The following ZNF713 variants were observed in gnomAD, a reference collection of about 807,000 sequenced individuals.
ZNF713 encodes the protein zinc finger protein 713.
In ZNF713, 21 loss-of-function variants were observed where a neutral mutation model predicts 28.7. The observed-to-expected ratio is 0.73, with a 90% CI of 0.52 to 1.05. ZNF713 has a LOEUF of 1.05. Ranked by LOEUF, ZNF713 falls within the 50% of genes least tolerant of loss-of-function variation. The probability of loss-of-function intolerance (pLI) is 0.00; values close to 1 mark genes in which losing one functional copy is unlikely to be tolerated. For missense variants in ZNF713, 458 were observed against 532.4 expected (o/e 0.86, Z 1.37); for synonymous variants, 167 against 178.0 (o/e 0.94, Z 0.49).
intron 4 of ZNF713, among the ~76,000 whole-genome samples, chr7:55,917,713 A>AAG (rs1472447684): frequency 6.6e-6 from 1 of 151,938 alleles, no homozygotes; most frequent in East Asian, 1.9e-4. Flanking sequence ...TCAAAAAAAA[A>AAG]AAAAGAAAAA....
At chr7:55,915,668 C>T (rs754956952) in intron 4 of ZNF713, among the ~76,000 whole-genome samples, 1 of 152,062 alleles carries the variant, frequency 6.6e-6, no homozygotes, top group South Asian at 2.1e-4. Flanking sequence ...GCAAAAATCA[C>T]GGGTATATTT....
intron 1 of ZNF713, among the ~76,000 whole-genome samples, chr7:55,896,490 GA>G (rs1357661344): frequency 6.6e-6 from 1 of 151,884 alleles, no homozygotes; most frequent in African/African-American, 2.4e-5. Flanking sequence ...GTTGAAGAAG[GA>G]AGTTACCGGT....
At chr7:55,898,103 C>A (rs954600946) in intron 1 of ZNF713, among the ~76,000 whole-genome samples, 1 of 152,052 alleles carries the variant, frequency 6.6e-6, no homozygotes, top group African/African-American at 2.4e-5. Context: ...ACAATCAACT[C>A]AAAATGGATT....
chr7:55,938,992 C>A lies in ZNF713; in HGVS notation c.318C>A (p.Asn106Lys), dbSNP rs1433412580. 1 of 1,577,774 alleles carries A rather than the reference C, an allele frequency of 6.3e-7. No individual in the cohort carries two copies. The highest frequency in any genetic ancestry group is 8.6e-7 in the Non-Finnish European group (1 of 1,162,834). Residue 106 changes from asparagine to lysine, a missense_variant, in exon 7 of 7, where the codon AAC becomes AAA. Transcript: ENST00000429591. ...SLLDTHPDGENRPEIKKSTTS... is the reference protein window; with the variant it reads ...SLLDTHPDGEKRPEIKKSTTS... ...CTGAATTTCTTTTAGATGGAGAAAACAGACCCGAAATCAAAAAGTCAACCA... is the reference window on the plus strand; with the variant it reads ...CTGAATTTCTTTTAGATGGAGAAAAAAGACCCGAAATCAAAAAGTCAACCA...
chr7:55,936,968 C>T (rs918884905), intron 6 of ZNF713, among the ~76,000 whole-genome samples: 1 of 152,176 alleles, frequency 6.6e-6, no homozygotes, highest in South Asian at 2.1e-4. Context: ...CCTCCCTCCA[C>T]ACAGTCCCTA....
chr7:55,938,597 C>T (rs776081829), intron 6 of ZNF713, among the ~76,000 whole-genome samples: 2 of 151,402 alleles, frequency 1.3e-5, no homozygotes, highest in Non-Finnish European at 2.9e-5. Context: ...AAGTCATTGG[C>T]GTATGAGATT....
intron 4 of ZNF713, among the ~76,000 whole-genome samples, chr7:55,916,156 C>G (rs1470201441): frequency 1.3e-5 from 2 of 152,218 alleles, no homozygotes; most frequent in African/African-American, 4.8e-5. Flanking sequence ...TTCCTCTGCT[C>G]AAAGCGCATG....
intron 1 of ZNF713, among the ~76,000 whole-genome samples, chr7:55,901,726 C>G (rs1030196734): frequency 6.6e-6 from 1 of 152,210 alleles, no homozygotes; most frequent in Non-Finnish European, 1.5e-5. Context: ...TTACCTCTTA[C>G]ATTTGGCTGT....
chr7:55,936,530 C>T (rs1006009043), intron 6 of ZNF713, among the ~76,000 whole-genome samples: 1 of 152,146 alleles, frequency 6.6e-6, no homozygotes, highest in African/African-American at 2.4e-5. Context: ...AAGGGGACCA[C>T]TCTGGCACCT....
intron 1 of ZNF713, among the ~76,000 whole-genome samples, chr7:55,897,282 A>G (rs1785490820): frequency 6.7e-6 from 1 of 149,342 alleles, no homozygotes; most frequent in South Asian, 2.1e-4. Context: ...ACAGGGTCTC[A>G]CTCTTTCACC....
intron 6 of ZNF713, 160 bp downstream of exon 6, chr7:55,923,859 G>T: frequency 1.9e-6 from 1 of 521,092 alleles, no homozygotes. Flanking sequence ...ATTTGAAATG[G>T]CTGTCTTATT....
chr7:55,889,643 A>G (rs939623400), intron 1 of ZNF713, among the ~76,000 whole-genome samples: 7 of 152,138 alleles, frequency 4.6e-5, no homozygotes, highest in Non-Finnish European at 8.8e-5. Context: ...AAAGCCCTTT[A>G]TGATCTTGAT....
chr7:55,901,148 AAG>A (rs1373080426), intron 1 of ZNF713, among the ~76,000 whole-genome samples: 4 of 152,336 alleles, frequency 2.6e-5, no homozygotes, highest in Admixed American at 2.0e-4. Context: ...TTACAAAAGA[AAG>A]AGGTTTAATG....
In ZNF713 at chr7:55,940,572, T is replaced by G. The variant is rs1786446771; in HGVS notation, c.*566T>G. ...CATGTTCCAAATCTGATATAAAACT[T>G]TTTAAAAAATCAGAAGTCCTTATCC... On this transcript the variant is annotated 3_prime_UTR_variant, in exon 7 of 7. Transcript: ENST00000429591. The G allele has an allele frequency of 1.0e-6, 1 of 980,234 alleles. No individual in the cohort carries two copies. 60.7% of individuals were successfully genotyped at this position (980,234 alleles called of 1,614,324 possible).
intron 1 of ZNF713, among the ~76,000 whole-genome samples, 185 bp downstream of exon 1, chr7:55,887,865 CGGCGGCGGCGGCGGCGGCGGCG>C (rs1785300156): frequency 3.4e-4 from 3 of 8,792 alleles, no homozygotes; most frequent in African/African-American, 9.8e-4. Flanking sequence ...GGGCGGCGGG[CGGCGGCGGCGGCGGCGGCGGCG>C]GGCGGCGGCG....
At chr7:55,898,916 C>T (rs1257770001) in intron 1 of ZNF713, among the ~76,000 whole-genome samples, 1 of 152,100 alleles carries the variant, frequency 6.6e-6, no homozygotes, top group East Asian at 1.9e-4. Flanking sequence ...AGAGAGCACT[C>T]ACCCCTGTTA....
chr7:55,897,890 T>C (rs1313760876), intron 1 of ZNF713, among the ~76,000 whole-genome samples: 1 of 152,164 alleles, frequency 6.6e-6, no homozygotes, highest in Admixed American at 6.5e-5. Context: ...TTCTGAGTGA[T>C]AGGGATGATA....
At chr7:55,937,362 G>A (rs1786374002) in intron 6 of ZNF713, among the ~76,000 whole-genome samples, 1 of 152,018 alleles carries the variant, frequency 6.6e-6, no homozygotes. Flanking sequence ...GAGGGCAGGG[G>A]CGAGCAGGGA....
At chr7:55,894,174 G>T (rs756455984) in intron 1 of ZNF713, among the ~76,000 whole-genome samples, 1 of 152,172 alleles carries the variant, frequency 6.6e-6, no homozygotes, top group Admixed American at 6.5e-5. Flanking sequence ...ATTAACATCT[G>T]AACATGTCCC....
Sources: allele counts gnomAD v4.1 joint callset (sites outside exome capture counted in the v4.1 genomes callset), GRCh38; gene constraint gnomAD v4.1.1; transcripts MANE v1.5; gene names NCBI Gene and HGNC (gene_info 2026-07-23, HGNC 2026-07-21).